ANKFN1: variants seen among roughly 807,000 people sequenced by gnomAD.
The protein encoded by ANKFN1 is ankyrin repeat and fibronectin type III domain containing 1, also known as ankyrin repeat and fibronectin type-III domain-containing protein 1.
In ANKFN1, 74 loss-of-function variants were observed where a neutral mutation model predicts 108.7. That is an observed-to-expected ratio of 0.68 (90% confidence interval 0.56 to 0.83). The LOEUF is 0.83. Ranked by LOEUF, ANKFN1 falls within the 40% of genes least tolerant of loss-of-function variation. ANKFN1 has a pLI of 0.00. For synonymous variants in ANKFN1, 547 were observed against 516.2 expected, an observed-to-expected ratio of 1.06 and a Z score of -0.81; for missense variants, 1,505 against 1,382.3, an observed-to-expected ratio of 1.09 and a Z score of -1.41.
intron 3 of ANKFN1, among the ~76,000 whole-genome samples, chr17:56,321,928 G>A (rs911860323): frequency 1.3e-5 from 2 of 152,118 alleles, no homozygotes; most frequent in African/African-American, 4.8e-5. Context: ...CAACTGTAGT[G>A]GGAAACCGCA....
chr17:56,235,587 C>T (rs1296892581), intron 3 of ANKFN1, among the ~76,000 whole-genome samples: 1 of 152,114 alleles, frequency 6.6e-6, no homozygotes, highest in Non-Finnish European at 1.5e-5. Context: ...GCCTGTTACC[C>T]CAGCACCATT....
chr17:56,289,332 AT>A (rs959702406), intron 3 of ANKFN1, among the ~76,000 whole-genome samples: 1 of 151,820 alleles, frequency 6.6e-6, no homozygotes, highest in East Asian at 1.9e-4. Context: ...ACAGTTTTCC[AT>A]TTTTTTTCTG....
chr17:56,067,916 C>A (rs953710527), intron 4 of ANKFN1, among the ~76,000 whole-genome samples: 7 of 152,148 alleles, frequency 4.6e-5, no homozygotes, highest in Non-Finnish European at 1.0e-4. Context: ...GGAATGTCAT[C>A]AGTGTCTTTG....
chr17:56,158,216 C>CT (rs1909294045), intron 1 of ANKFN1, among the ~76,000 whole-genome samples: 1 of 152,182 alleles, frequency 6.6e-6, no homozygotes, highest in African/African-American at 2.4e-5. Context: ...GAGCAACTCC[C>CT]CTCACATACA....
At chr17:56,235,113 A>G (rs903905305) in intron 3 of ANKFN1, among the ~76,000 whole-genome samples, 2 of 151,682 alleles carry the variant, frequency 1.3e-5, no homozygotes, top group South Asian at 4.2e-4. Flanking sequence ...GTGATATTTG[A>G]CTTTTTTTCA....
At chr17:56,266,229 G>A (rs1268417365) in intron 3 of ANKFN1, among the ~76,000 whole-genome samples, 2 of 152,076 alleles carry the variant, frequency 1.3e-5, no homozygotes. Context: ...CTCAAAGGTA[G>A]GCCTCATTGC....
At chr17:56,456,604 G>T (rs1310932535) in intron 11 of ANKFN1, among the ~76,000 whole-genome samples, 1 of 151,760 alleles carries the variant, frequency 6.6e-6, no homozygotes, top group Non-Finnish European at 1.5e-5. Flanking sequence ...CACCATGTTG[G>T]TCAGGCTGGT....
chr17:56,317,875 G>T (rs373589714), intron 3 of ANKFN1, among the ~76,000 whole-genome samples: 49 of 152,244 alleles, frequency 3.2e-4, no homozygotes, highest in African/African-American at 1.0e-3. Context: ...ATGCCTAAAT[G>T]GGTTCAATGT....
At chr17:56,397,963 G>C (rs942130432) in intron 8 of ANKFN1, among the ~76,000 whole-genome samples, 3 of 152,120 alleles carry the variant, frequency 2.0e-5, no homozygotes, top group Non-Finnish European at 2.9e-5. Context: ...TATGGCCTAT[G>C]GGACAACATG....
At chr17:56,194,187 C>T (rs913886476) in intron 1 of ANKFN1, among the ~76,000 whole-genome samples, 2 of 152,154 alleles carry the variant, frequency 1.3e-5, no homozygotes, top group Non-Finnish European at 2.9e-5. Context: ...TGCAAGCCAT[C>T]GTGGAAGACA....
intron 4 of ANKFN1, among the ~76,000 whole-genome samples, chr17:56,333,913 C>G: frequency 6.6e-6 from 1 of 152,086 alleles, no homozygotes; most frequent in Non-Finnish European, 1.5e-5. Context: ...GTTGTAGAGA[C>G]CAGCCCACCT....
intron 1 of ANKFN1, among the ~76,000 whole-genome samples, chr17:56,200,016 AG>A (rs1913904031): frequency 6.6e-6 from 1 of 152,170 alleles, no homozygotes; most frequent in African/African-American, 2.4e-5. Flanking sequence ...TATCCTACGA[AG>A]CTACTGGCAG....
chr17:56,331,282 G>C (rs902198889), intron 4 of ANKFN1, among the ~76,000 whole-genome samples: 1 of 152,052 alleles, frequency 6.6e-6, no homozygotes, highest in African/African-American at 2.4e-5. Context: ...ACCCATACCT[G>C]AACTACCCTC....
At chr17:56,220,876 GAGGGAGGGAGGGAGGAAGGAAGGAAGGA>G (rs1567846275) in intron 2 of ANKFN1, among the ~76,000 whole-genome samples, 1,860 of 64,330 alleles carry the variant, frequency 0.029, 172 homozygotes, top group African/African-American at 0.18. Context: ...GGAAGGGAGG[GAGGGAGGGAGGGAGGAAGGAAGGAAGGA>G]AGGGAGTGGG....
chr17:56,294,336 T>C (rs564718414), intron 3 of ANKFN1, among the ~76,000 whole-genome samples: 6 of 152,318 alleles, frequency 3.9e-5, no homozygotes, highest in African/African-American at 1.4e-4. Flanking sequence ...CAGGCACCAC[T>C]GCCTGAAGAG....
At chr17:56,477,445 T>C in intron 15 of ANKFN1, 43 bp from the exon 16 acceptor site, 2 of 1,495,780 alleles carry the variant, frequency 1.3e-6, no homozygotes, top group South Asian at 1.3e-5. Flanking sequence ...GCCCTTCGAG[T>C]TGTTTTCTTG....
intron 4 of ANKFN1, among the ~76,000 whole-genome samples, chr17:56,090,916 G>T (rs1905402529): frequency 6.6e-6 from 1 of 151,148 alleles, no homozygotes; most frequent in Non-Finnish European, 1.5e-5. Context: ...CTAGGCGTTT[G>T]CTTTAATTTG....
At chr17:56,235,918 G>A (rs1444379824) in intron 3 of ANKFN1, among the ~76,000 whole-genome samples, 1 of 152,106 alleles carries the variant, frequency 6.6e-6, no homozygotes, top group Non-Finnish European at 1.5e-5. Context: ...GATAAAAATA[G>A]CACTGAATCT....
intron 4 of ANKFN1, among the ~76,000 whole-genome samples, chr17:56,073,940 A>G (rs1489046424): frequency 6.6e-6 from 1 of 151,922 alleles, no homozygotes; most frequent in Non-Finnish European, 1.5e-5. Flanking sequence ...CCTTTTGGAG[A>G]TTGTGTTACT....
Sources: gnomAD v4.1 joint callset for allele counts (sites outside exome capture counted in the v4.1 genomes callset) on GRCh38, gnomAD v4.1.1 for gene constraint, MANE v1.5 for transcripts, NCBI Gene and HGNC (gene_info 2026-07-23, HGNC 2026-07-21) for gene names.